Variants in TMEM170A observed in about 807,000 individuals in gnomAD.
TMEM170A encodes the protein transmembrane protein 170A, also known as transmembrane protein 170.
Under a neutral mutation model 12.8 loss-of-function variants are expected in TMEM170A, and 18 were observed. That is an observed-to-expected ratio of 1.41 (90% confidence interval 0.97 to 2.09). TMEM170A has a LOEUF of 2.09. Ranked by LOEUF, TMEM170A falls within the 30% of genes most tolerant of loss-of-function variation. The pLI is 0.00. For missense variants in TMEM170A, 220 were observed against 179.9 expected (o/e 1.22, Z -1.28); for synonymous variants, 107 against 76.2 (o/e 1.40, Z -2.11).
intron 1 of TMEM170A, among the ~76,000 whole-genome samples, chr16:75,455,855 A>T (rs2079782954): frequency 1.3e-5 from 2 of 152,202 alleles, no homozygotes; most frequent in Admixed American, 1.3e-4. Context: ...TATTGGGATA[A>T]ACAATTTAAA....
Position 75,447,500 on chromosome 16 carries a change from T to C in TMEM170A, c.*58A>G. ...TAAGAAAACACTACACTCCATAATG[T>C]ATTCTTTTGGAGGATTCCATAAAGT... is the stretch of plus-strand genomic sequence containing the variant. On this transcript the variant is annotated 3_prime_UTR_variant, in exon 3 of 3. Transcript: ENST00000561878. 6.4e-7 allele frequency: 1 copy of C among 1,554,506 alleles called. No individual in the cohort carries two copies. Among genetic ancestry groups the C allele is most frequent in the Non-Finnish European group, 8.7e-7 (1 of 1,152,656 alleles).
rs1162575409 is a variant in TMEM170A at position 75,455,754 on chromosome 16, G to A, written c.134-3915C>T. ...CAGGAGGCAGAGGTCGCAATGAGCC[G>A]AGGGCAAGAGAGCTAGACTTTAAAA... On this transcript the variant is annotated intron_variant, in intron 1 of 2. Coordinates refer to ENST00000561878, the MANE Select transcript of TMEM170A (RefSeq NM_145254.3). 2.6e-5 allele frequency among the ~76,000 whole-genome samples: 4 copies of A among 152,180 alleles called. No individual in the cohort carries two copies. The East Asian group carries it at 5.8e-4, about 22-fold the overall frequency.
chr16:75,448,158 C>A (rs1255908106), intron 2 of TMEM170A, among the ~76,000 whole-genome samples: 1 of 152,220 alleles, frequency 6.6e-6, no homozygotes, highest in East Asian at 1.9e-4. Flanking sequence ...ACTCCACCTT[C>A]TATCACACTC....
At chr16:75,462,732 C>T (rs561819530) in intron 1 of TMEM170A, among the ~76,000 whole-genome samples, 3 of 152,106 alleles carry the variant, frequency 2.0e-5, no homozygotes, top group African/African-American at 7.2e-5. Context: ...ACTAAAGAGA[C>T]GGACAACTTA....
At chr16:75,464,072 G>A (rs923800657) in intron 1 of TMEM170A, among the ~76,000 whole-genome samples, 1 of 152,340 alleles carries the variant, frequency 6.6e-6, no homozygotes, top group South Asian at 2.1e-4. Flanking sequence ...GCCGCTCCGA[G>A]ACCCCTCGAA....
intron 1 of TMEM170A, among the ~76,000 whole-genome samples, chr16:75,461,156 C>A (rs963106111): frequency 1.3e-5 from 2 of 151,818 alleles, no homozygotes; most frequent in Admixed American, 6.6e-5. Context: ...CAGGTTCAAG[C>A]GATTCTCCTG....
Position 75,464,619 on chromosome 16 carries a change from A to G in TMEM170A, c.-19T>C. The G allele has an allele frequency of 6.4e-7, 1 of 1,570,624 alleles. No homozygotes were observed. The highest frequency in any genetic ancestry group is 8.6e-7 in the Non-Finnish European group (1 of 1,162,762). The stretch of plus-strand genomic sequence containing the variant: ...GCTCCATCCCGTCGCCATTCACCAC[A>G]GAGAAATGAGGGACGAGCGCCCGAA... On this transcript the variant is annotated 5_prime_UTR_variant, in exon 1 of 3. Coordinates refer to ENST00000561878, the MANE Select transcript of TMEM170A (RefSeq NM_145254.3).
intron 1 of TMEM170A, chr16:75,459,097 T>A (rs563600707): frequency 6.6e-6 from 1 of 152,376 alleles, no homozygotes; most frequent in East Asian, 1.9e-4. Context: ...TTTCACCATA[T>A]TGGCCAGGCT....
chr16:75,460,197 GTAAGTTTCT>G (rs1170236532), intron 1 of TMEM170A, among the ~76,000 whole-genome samples: 1 of 151,598 alleles, frequency 6.6e-6, no homozygotes, highest in Non-Finnish European at 1.5e-5. Context: ...TGCAAAGCCG[GTAAGTTTCT>G]TAAGTTTCTT....
In TMEM170A at chr16:75,459,222, T is replaced by G. The variant is rs117886693; in HGVS notation, c.133+5246A>C. Among the ~76,000 whole-genome samples the G allele has an allele frequency of 3.0e-4, 46 of 152,298 alleles. 1 individual carries two copies. In the East Asian group the frequency reaches 7.1e-3, roughly 24 times the overall value. The stretch of plus-strand genomic sequence containing the variant: ...ACAGACATATCTTTAAGATACATAT[T>G]CAGAGAGATACTGCAGTGAAAGAAC... On this transcript the variant is annotated intron_variant, in intron 1 of 2. Coordinates refer to ENST00000561878, the MANE Select transcript of TMEM170A (RefSeq NM_145254.3).
At chr16:75,463,868 T>G (rs1219739461) in intron 1 of TMEM170A, among the ~76,000 whole-genome samples, 1 of 152,120 alleles carries the variant, frequency 6.6e-6, no homozygotes, top group Non-Finnish European at 1.5e-5. Flanking sequence ...GCCAAAGATC[T>G]CGAAGGCTTA....
Position 75,443,290 on chromosome 16 carries a change from T to C in TMEM170A, c.*4268A>G, listed in dbSNP as rs2079531936. Reference sequence around the variant, plus strand: ...TAAACATTTACACTAGAATTAGAAATGTCAGTAGAAAAATAAAATTTAAAT... The same window carrying C: ...TAAACATTTACACTAGAATTAGAAACGTCAGTAGAAAAATAAAATTTAAAT... On this transcript the variant is annotated 3_prime_UTR_variant, in exon 3 of 3. Coordinates refer to ENST00000561878, the MANE Select transcript of TMEM170A (RefSeq NM_145254.3). 1 of 152,224 alleles carries C rather than the reference T, an allele frequency of 6.6e-6. No homozygotes were observed. The allele number at this position is 152,224 out of a possible 1,614,324, so 9.4% of individuals were successfully genotyped here.
rs1031935442 is a variant in TMEM170A, at chr16:75,446,456, A to G, written c.*1102T>C. On this transcript the variant is annotated 3_prime_UTR_variant, in exon 3 of 3. Transcript: ENST00000561878. ...TATTTAAATCTCTTTAAAGATATAA[A>G]TTCTTTTGAATAAAAATGTAAAGGG... The G allele has an allele frequency of 6.6e-6, 1 of 152,212 alleles. No homozygotes were observed. Among genetic ancestry groups the G allele is most frequent in the Non-Finnish European group, 1.5e-5 (1 of 68,034 alleles). The allele number at this position is 152,212 out of a possible 1,614,324, so 9.4% of individuals were successfully genotyped here.
chr16:75,452,137 A>C (rs1220665655), intron 1 of TMEM170A, among the ~76,000 whole-genome samples: 2 of 151,874 alleles, frequency 1.3e-5, no homozygotes, highest in African/African-American at 2.4e-5. Flanking sequence ...GCGCCTGGCT[A>C]ATTTTTTGTA....
At chr16:75,450,419 G>A (rs1392292965) in intron 2 of TMEM170A, among the ~76,000 whole-genome samples, 1 of 151,986 alleles carries the variant, frequency 6.6e-6, no homozygotes, top group Non-Finnish European at 1.5e-5. Context: ...TAATTACTTA[G>A]AATTTTCAGT....
chr16:75,443,253 A>AT lies in TMEM170A; in HGVS notation c.*4304dup, dbSNP rs1266675726. ...TAATTCCAACTCAGAATTGAAAGTA[A>AT]TTTTTTATTGATAAACATTTACACT... On this transcript the variant is annotated 3_prime_UTR_variant, in exon 3 of 3. Transcript: ENST00000561878. 4 of 152,326 alleles carry AT rather than the reference A, an allele frequency of 2.6e-5. No homozygotes were observed. Among genetic ancestry groups the AT allele is most frequent in the African/African-American group, 9.6e-5 (4 of 41,574 alleles). 9.4% of individuals were successfully genotyped at this position (152,326 alleles called of 1,614,324 possible).
At position 75,447,536 on chromosome 16, in the gene TMEM170A, C is replaced by CA; in HGVS notation, c.*21dup. The CA allele has an allele frequency of 6.3e-7, 1 of 1,583,778 alleles. No homozygotes were observed. The highest frequency in any genetic ancestry group is 1.4e-5 in the African/African-American group (1 of 72,888). ...AGGATTCCATAAAGTTTAAGTTCAA[C>CA]ATCTCAGCATAAGGATGTATGCTAT... On this transcript the variant is annotated 3_prime_UTR_variant, in exon 3 of 3. Transcript: ENST00000561878.
intron 1 of TMEM170A, among the ~76,000 whole-genome samples, chr16:75,463,747 C>G (rs2079946632): frequency 6.6e-6 from 1 of 152,230 alleles, no homozygotes; most frequent in African/African-American, 2.4e-5. Flanking sequence ...CTCTCTCCTC[C>G]CTCCAGCTTT....
At chr16:75,454,475 C>CACAT (rs2151637496) in intron 1 of TMEM170A, among the ~76,000 whole-genome samples, 1 of 151,570 alleles carries the variant, frequency 6.6e-6, no homozygotes, top group East Asian at 1.9e-4. Context: ...CACATACACA[C>CACAT]ACACACAAAA....
Sources: allele counts gnomAD v4.1 joint callset (sites outside exome capture counted in the v4.1 genomes callset), GRCh38; gene constraint gnomAD v4.1.1; transcripts MANE v1.5; gene names NCBI Gene and HGNC (gene_info 2026-07-23, HGNC 2026-07-21).